The following NSF variants were observed in gnomAD, a reference collection of about 807,000 sequenced individuals.
NSF encodes the protein vesicle-fusing ATPase.
Under a neutral mutation model 50.3 loss-of-function variants are expected in NSF, and 14 were observed. The observed-to-expected ratio is 0.28, with a 90% CI of 0.18 to 0.44. The LOEUF (loss-of-function observed/expected upper bound fraction) is 0.44. Ranked by LOEUF, NSF falls within the 20% of genes least tolerant of loss-of-function variation. The pLI, the probability that NSF is intolerant of heterozygous loss-of-function variation, is 1.00. For missense variants in NSF, 218 were observed against 504.3 expected, an observed-to-expected ratio of 0.43 and a Z score of 5.44; for synonymous variants, 109 against 175.7, an observed-to-expected ratio of 0.62 and a Z score of 3.00.
chr17:46,739,370 CA>C (rs1230180574), intron 17 of NSF, among the ~76,000 whole-genome samples: 1 of 53,192 alleles, frequency 1.9e-5, no homozygotes, highest in Non-Finnish European at 3.0e-5. Flanking sequence ...GACTCTGTCT[CA>C]AAAAAAAAAA....
intron 9 of NSF, among the ~76,000 whole-genome samples, chr17:46,680,378 A>G (rs1218997332): frequency 2.0e-5 from 3 of 151,262 alleles, no homozygotes; most frequent in Admixed American, 2.0e-4. Flanking sequence ...GCTGTGCCTT[A>G]AACGGAGCTG....
At chr17:46,733,903 T>G (rs1262279318) in intron 17 of NSF, among the ~76,000 whole-genome samples, 1 of 152,192 alleles carries the variant, frequency 6.6e-6, no homozygotes, top group Non-Finnish European at 1.5e-5. Flanking sequence ...CTCTGACACC[T>G]AGGAATATTA....
intron 15 of NSF, among the ~76,000 whole-genome samples, chr17:46,720,665 A>G (rs962898092): frequency 6.6e-6 from 1 of 152,222 alleles, no homozygotes; most frequent in Non-Finnish European, 1.5e-5. Context: ...GTATGCTTTT[A>G]ACTAATCGCT....
In NSF at chr17:46,722,206, A is replaced by G. The variant is rs2058838424; in HGVS notation, c.1762-4343A>G. On this transcript the variant is annotated intron_variant, in intron 15 of 20. Transcript: ENST00000398238. ...GAGAACTTGCAGCGCCTGCTTAGGA[A>G]GAGACCCAAATCTCGCGAGAGCACG... is the stretch of plus-strand genomic sequence containing the variant. 3.2e-5 allele frequency: 49 copies of G among 1,541,832 alleles called. No homozygotes were observed. In the South Asian group the frequency reaches 5.5e-4, roughly 17 times the overall value.
Position 46,728,844 on chromosome 17 carries a change from T to C in NSF, c.1829-11T>C. On this transcript the variant is annotated splice_polypyrimidine_tract_variant and intron_variant, in intron 16 of 20. Transcript: ENST00000398238. ...ATCAAATCCCTAAACATAATAATGT[T>C]TCTTTTCCAGATTACGTCCCTATTG... The C allele has an allele frequency of 1.9e-6, 3 of 1,582,778 alleles. No homozygotes were observed. The highest frequency in any genetic ancestry group is 2.6e-6 in the Non-Finnish European group (3 of 1,159,988).
intron 9 of NSF, among the ~76,000 whole-genome samples, chr17:46,676,424 G>C (rs2058409558): frequency 7.3e-6 from 1 of 137,504 alleles, no homozygotes; most frequent in Non-Finnish European, 1.5e-5. Flanking sequence ...TAGAGATGGA[G>C]TTTCTCCATG....
chr17:46,725,554 C>A (rs1354817377), intron 15 of NSF, among the ~76,000 whole-genome samples: 4 of 152,216 alleles, frequency 2.6e-5, no homozygotes, highest in Middle Eastern at 3.4e-3. Flanking sequence ...ACTTTAAAAA[C>A]CAAGTATACA....
chr17:46,731,217 G>A (rs982791154), intron 17 of NSF, among the ~76,000 whole-genome samples: 1 of 152,056 alleles, frequency 6.6e-6, no homozygotes. Context: ...AACATGCTAA[G>A]CAAAAGGAGC....
intron 18 of NSF, 121 bp downstream of exon 18, chr17:46,750,028 ATATTACAGGTTG>A: frequency 8.7e-7 from 1 of 1,155,344 alleles, no homozygotes; most frequent in Non-Finnish European, 1.2e-6. Flanking sequence ...GGACCCGGGG[ATATTACAGGTTG>A]TATATACCTT....
chr17:46,728,834 A>G (rs2058919686), intron 16 of NSF, 21 bp from the exon 17 acceptor site: 1 of 1,553,026 alleles, frequency 6.4e-7, no homozygotes, highest in Non-Finnish European at 8.8e-7. Context: ...ATCCCTAAAC[A>G]TAATAATGTT....
At chr17:46,605,692 A>G (rs2057950228) in intron 1 of NSF, among the ~76,000 whole-genome samples, 1 of 74,656 alleles carries the variant, frequency 1.3e-5, no homozygotes, top group Non-Finnish European at 2.7e-5. Flanking sequence ...ACTAGTGGAA[A>G]TTCAGATCAA....
At chr17:46,737,164 A>T (rs2059014256) in intron 17 of NSF, among the ~76,000 whole-genome samples, 1 of 152,226 alleles carries the variant, frequency 6.6e-6, no homozygotes, top group South Asian at 2.1e-4. Context: ...CAGATGGCTC[A>T]TAGTCCAAGA....
chr17:46,726,678 A>G, intron 16 of NSF, 63 bp downstream of exon 16: 1 of 1,391,978 alleles, frequency 7.2e-7, no homozygotes, highest in South Asian at 1.2e-5. Flanking sequence ...CTCAAAAGTT[A>G]CAAGAGAAAA....
chr17:46,666,045 G>T (rs78891640), intron 8 of NSF, among the ~76,000 whole-genome samples: 16,723 of 147,172 alleles, frequency 0.11, 796 homozygotes, highest in East Asian at 0.43. Flanking sequence ...CGGCAGAGCA[G>T]GGTGTGTGCT....
intron 15 of NSF, among the ~76,000 whole-genome samples, chr17:46,724,067 G>A (rs2058861590): frequency 1.3e-5 from 2 of 151,974 alleles, no homozygotes; most frequent in South Asian, 2.1e-4. Context: ...CTTATTGACC[G>A]TTCCTGCAGT....
intron 15 of NSF, among the ~76,000 whole-genome samples, chr17:46,721,103 G>C (rs1052837633): frequency 1.3e-5 from 2 of 152,218 alleles, no homozygotes; most frequent in African/African-American, 2.4e-5. Context: ...CTGCGTGGCA[G>C]AGCCCCGCTT....
chr17:46,721,485 A>T lies in NSF; in HGVS notation c.1762-5064A>T, dbSNP rs2058830282. 13 of 746,152 alleles carry T rather than the reference A, an allele frequency of 1.7e-5. 1 individual carries two copies. The highest frequency in any genetic ancestry group is 1.1e-4 in the South Asian group (7 of 63,208). The allele number at this position is 746,152 out of a possible 1,614,324, so 46.2% of individuals were successfully genotyped here. A position where few individuals can be genotyped will look rare whatever the true frequency, so the allele number is the denominator to read the frequency against. On this transcript the variant is annotated intron_variant, in intron 15 of 20. Transcript: ENST00000398238. ...CCTATATATGTATGTTGATAATTTT[A>T]CCTGTTCTACAGGAAACTTCATAAT...
intron 15 of NSF, among the ~76,000 whole-genome samples, chr17:46,721,220 C>G (rs16941125): frequency 0.03 from 4,580 of 152,320 alleles, 94 homozygotes; most frequent in Admixed American, 0.067. Context: ...TGTGTCGTAC[C>G]TCCACCTTTG....
intron 17 of NSF, among the ~76,000 whole-genome samples, chr17:46,739,019 T>C (rs1295683790): frequency 1.5e-5 from 2 of 130,508 alleles, no homozygotes; most frequent in African/African-American, 5.8e-5. Context: ...GAGGATCGCT[T>C]GAGTCCAGGA....
Sources: gnomAD v4.1 joint callset for allele counts (sites outside exome capture counted in the v4.1 genomes callset) on GRCh38, gnomAD v4.1.1 for gene constraint, MANE v1.5 for transcripts, NCBI Gene and HGNC (gene_info 2026-07-23, HGNC 2026-07-21) for gene names.